Variants in ATG16L2 observed in about 807,000 individuals in gnomAD.
The protein encoded by ATG16L2 is protein Atg16l2.
Under a neutral mutation model 84.7 loss-of-function variants are expected in ATG16L2, and 77 were observed. The observed-to-expected ratio is 0.91, with a 90% confidence interval of 0.76 to 1.10. ATG16L2 has a LOEUF of 1.10. Ranked by LOEUF, ATG16L2 falls within the 50% of genes least tolerant of loss-of-function variation. The pLI is 0.00. For missense variants in ATG16L2, 782 were observed against 817.6 expected (o/e 0.96, Z 0.53); for synonymous variants, 361 against 342.8 (o/e 1.05, Z -0.59).
intron 3 of ATG16L2, chr11:72,818,247 T>C: frequency 5.7e-6 from 1 of 175,942 alleles, no homozygotes; most frequent in Non-Finnish European, 1.2e-5. Flanking sequence ...TGGCAGAGTG[T>C]GGACGCTCCA....
At chr11:72,823,175 C>T (rs1860116386) in intron 7 of ATG16L2, 1 of 500,884 alleles carries the variant, frequency 2.0e-6, no homozygotes, top group Admixed American at 3.6e-5. Flanking sequence ...CTACCCTCAA[C>T]CCTTTCCCTC....
intron 13 of ATG16L2, 129 bp from the exon 14 acceptor site, chr11:72,827,059 G>A: frequency 2.3e-6 from 2 of 853,778 alleles, no homozygotes; most frequent in East Asian, 2.6e-5. Context: ...CCTGTGCTGG[G>A]AAGCGGAAGA....
At chr11:72,829,091 C>T (rs1860530340) in intron 17 of ATG16L2, 107 bp downstream of exon 17, 4 of 1,238,592 alleles carry the variant, frequency 3.2e-6, no homozygotes, top group South Asian at 1.3e-5. Context: ...GTCCCTCCAC[C>T]TTCCACCCGA....
chr11:72,832,970 G>A (rs551307815), downstream of ATG16L2, among the ~76,000 whole-genome samples: 17 of 152,340 alleles, frequency 1.1e-4, no homozygotes, highest in Non-Finnish European at 2.1e-4. Flanking sequence ...CTGCAGAGCT[G>A]TTCTGTAGGC....
intron 14 of ATG16L2, 51 bp downstream of exon 14, chr11:72,827,344 C>T (rs757754438): frequency 2.0e-6 from 3 of 1,464,772 alleles, no homozygotes; most frequent in Admixed American, 1.7e-5. Flanking sequence ...GGACAGGGCT[C>T]CCAAGTTCTT....
chr11:72,841,400 T>C (rs551248230), intron 5 of ATG16L2: 8 of 1,503,966 alleles, frequency 5.3e-6, no homozygotes, highest in South Asian at 1.2e-5. Context: ...CAGGCGAATA[T>C]GTAGGTTTCT....
intron 3 of ATG16L2, among the ~76,000 whole-genome samples, chr11:72,820,907 C>T (rs1029030561): frequency 2.4e-4 from 36 of 152,306 alleles, no homozygotes; most frequent in African/African-American, 8.4e-4. Flanking sequence ...CTCTCCTGGG[C>T]TGCCAGCGCT....
chr11:72,824,264 G>GGGGCTTGGAGACAGAGAC, intron 8 of ATG16L2, 142 bp downstream of exon 8: 1 of 1,009,618 alleles, frequency 9.9e-7, no homozygotes, highest in Non-Finnish European at 1.5e-6. Flanking sequence ...TTGGAGACAG[G>GGGGCTTGGAGACAGAGAC]AGCCAGGTGA....
chr11:72,841,105 C>A, intron 5 of ATG16L2: 1 of 666,382 alleles, frequency 1.5e-6, no homozygotes. Context: ...AAGTTCAAGG[C>A]TGCAGTGAGC....
At chr11:72,824,635 A>G (rs1860227080) in intron 8 of ATG16L2, 99 bp from the exon 9 acceptor site, 1 of 875,536 alleles carries the variant, frequency 1.1e-6, no homozygotes, top group Non-Finnish European at 1.9e-6. Context: ...GCCGCCTGCC[A>G]TGTCTGCTTC....
chr11:72,840,484 T>G (rs1035404760), intron 5 of ATG16L2, among the ~76,000 whole-genome samples: 1 of 152,208 alleles, frequency 6.6e-6, no homozygotes, highest in Non-Finnish European at 1.5e-5. Flanking sequence ...TAAACGCTCT[T>G]TAAGGCCATG....
At chr11:72,830,373 G>A (rs1172498544), downstream of ATG16L2, among the ~76,000 whole-genome samples, 2 of 152,066 alleles carry the variant, frequency 1.3e-5, no homozygotes, top group Admixed American at 6.5e-5. Flanking sequence ...CATGTCCCTG[G>A]GACCTTGTGC....
chr11:72,841,062 G>GGATA, intron 5 of ATG16L2: 2 of 831,810 alleles, frequency 2.4e-6, no homozygotes, highest in Non-Finnish European at 4.0e-6. Flanking sequence ...CAGCACTTTG[G>GGATA]GATACTGAGG....
At chr11:72,835,119 A>G (rs774459699) in intron 5 of ATG16L2, among the ~76,000 whole-genome samples, 4 of 152,194 alleles carry the variant, frequency 2.6e-5, no homozygotes, top group Non-Finnish European at 5.9e-5. Flanking sequence ...AAATTTAGCT[A>G]TGACGCTGGG....
Position 72,829,450 on chromosome 11 carries a change from GCCATGC to G in ATG16L2, c.*61_*66del. The G allele has an allele frequency of 1.3e-6, 2 of 1,575,312 alleles. No individual in the cohort carries two copies. Among genetic ancestry groups the G allele is most frequent in the Admixed American group, 1.7e-5 (1 of 57,292 alleles). On this transcript the variant is annotated 3_prime_UTR_variant, in exon 18 of 18. Transcript: ENST00000321297. ...CCCGAAGCCTGAAGCTTCCTTCGGC[GCCATGC>G]AGGGGTTGGGGTTGGGACTGGAGCT...
intron 8 of ATG16L2, chr11:72,824,521 C>G (rs1860216300): frequency 1.7e-6 from 1 of 591,958 alleles, no homozygotes; most frequent in African/African-American, 1.9e-5. Flanking sequence ...CCCTACCCTG[C>G]TCCTGTGTCT....
At chr11:72,817,639 C>A in intron 2 of ATG16L2, 117 bp from the exon 3 acceptor site, 1 of 973,598 alleles carries the variant, frequency 1.0e-6, no homozygotes, top group Non-Finnish European at 1.6e-6. Context: ...TGGCTTCCAT[C>A]TTCCCAGGAC....
At chr11:72,830,627 G>C (rs538258898), downstream of ATG16L2, among the ~76,000 whole-genome samples, 1 of 152,298 alleles carries the variant, frequency 6.6e-6, no homozygotes, top group East Asian at 1.9e-4. Flanking sequence ...ACAGCACCAT[G>C]CTCGGCCCAA....
Position 72,828,913 on chromosome 11 carries a change from CTGTGATGGGGCCCTTTACATCTGGGATGT to C in ATG16L2, c.1702_1730del (p.Cys568GlyfsTer92). On this transcript the variant is annotated frameshift_variant, in exon 17 of 18. Coordinates refer to ENST00000321297, the MANE Select transcript of ATG16L2 (RefSeq NM_033388.2). LOFTEE classifies it high-confidence loss of function. ...ACAGAAGCTATGCACTGGCAGGCTC[CTGTGATGGGGCCCTTTACATCTGGGATGT>C]GGACACCGGGAAACTGGAGAGCAGA... 6.2e-7 allele frequency: 1 copy of C among 1,614,204 alleles called. No homozygotes were observed. Among genetic ancestry groups the C allele is most frequent in the Non-Finnish European group, 8.5e-7 (1 of 1,180,040 alleles).
Sources: allele counts gnomAD v4.1 joint callset (sites outside exome capture counted in the v4.1 genomes callset), GRCh38; gene constraint gnomAD v4.1.1; transcripts MANE v1.5; gene names NCBI Gene and HGNC (gene_info 2026-07-23, HGNC 2026-07-21).